Variants in KLHL22 observed in about 807,000 individuals in gnomAD.
KLHL22 encodes kelch-like protein 22.
In KLHL22, 18 loss-of-function variants were observed where a neutral mutation model predicts 60.7. That is an observed-to-expected ratio of 0.30 (90% CI 0.20 to 0.44). The LOEUF is 0.44. Among genes scored for constraint, KLHL22 ranks in the 20% least tolerant of loss-of-function variants. The pLI, the probability that KLHL22 is intolerant of heterozygous loss-of-function variation, is 1.00. For missense variants in KLHL22, 596 were observed against 852.3 expected, an observed-to-expected ratio of 0.70 and a Z score of 3.74; for synonymous variants, 355 against 354.5, an observed-to-expected ratio of 1.00 and a Z score of -0.01.
chr22:20,449,433 C>A lies in KLHL22; in HGVS notation c.1306-2757G>T, dbSNP rs563843658. Among the ~76,000 whole-genome samples, 18 of 152,060 alleles carry A rather than the reference C, an allele frequency of 1.2e-4. 1 individual carries two copies. In the South Asian group the frequency reaches 3.7e-3, roughly 32 times the overall value. ...TTTTTGTTTTTGAGATGGAGTCTCA[C>A]TCTGTCGCCCAGGCTGGAGTGCAAA... On this transcript the variant is annotated intron_variant, in intron 5 of 6. Coordinates refer to ENST00000328879, the MANE Select transcript of KLHL22 (RefSeq NM_032775.4).
At chr22:20,457,775 CAGG>C (rs2053085809) in intron 5 of KLHL22, 30 bp downstream of exon 5, 1 of 1,521,124 alleles carries the variant, frequency 6.6e-7, no homozygotes, top group Non-Finnish European at 8.9e-7. Context: ...GGAAATTAGG[CAGG>C]AGAAGGCCCC....
At chr22:20,478,915 G>A (rs1482952951) in intron 2 of KLHL22, among the ~76,000 whole-genome samples, 2 of 151,368 alleles carry the variant, frequency 1.3e-5, no homozygotes, top group Admixed American at 6.6e-5. Flanking sequence ...GATCACCTGA[G>A]GTCAGGAGTT....
chr22:20,446,883 G>A (rs1418893536), intron 5 of KLHL22, among the ~76,000 whole-genome samples: 1 of 152,186 alleles, frequency 6.6e-6, no homozygotes, highest in Non-Finnish European at 1.5e-5. Flanking sequence ...TCCCAATAGC[G>A]GATACATCTA....
intron 2 of KLHL22, among the ~76,000 whole-genome samples, chr22:20,481,577 T>TA (rs891777039): frequency 2.6e-4 from 40 of 151,436 alleles, no homozygotes; most frequent in Admixed American, 1.2e-3. Flanking sequence ...CATCTCAAAA[T>TA]AAAAAAAAAT....
intron 4 of KLHL22, among the ~76,000 whole-genome samples, chr22:20,462,385 C>G (rs2053170522): frequency 6.6e-6 from 1 of 151,904 alleles, no homozygotes. Flanking sequence ...GACAGGGTCT[C>G]ACTCTGTTGC....
intron 3 of KLHL22, among the ~76,000 whole-genome samples, 195 bp downstream of exon 3, chr22:20,471,155 G>A (rs1316224346): frequency 2.0e-5 from 3 of 152,200 alleles, no homozygotes; most frequent in South Asian, 2.1e-4. Flanking sequence ...GAGGCCTGGG[G>A]TGTCTAGAGC....
At chr22:20,484,554 C>T (rs1160557942) in intron 2 of KLHL22, among the ~76,000 whole-genome samples, 1 of 152,178 alleles carries the variant, frequency 6.6e-6, no homozygotes, top group South Asian at 2.1e-4. Context: ...CTTGGGCACC[C>T]ATTGTGCTGG....
chr22:20,493,285 C>T (rs1397853685), intron 1 of KLHL22: 40 of 466,708 alleles, frequency 8.6e-5, no homozygotes, highest in South Asian at 6.1e-4. Flanking sequence ...TTTACCAAGT[C>T]CAATTTAAGA....
intron 5 of KLHL22, among the ~76,000 whole-genome samples, chr22:20,455,543 G>A (rs2053049706): frequency 2.0e-5 from 3 of 152,138 alleles, no homozygotes; most frequent in Admixed American, 2.0e-4. Flanking sequence ...ATGGCCAGAG[G>A]GACTATGACC....
Position 20,471,417 on chromosome 22 carries a change from T to G in KLHL22, c.326A>C (p.Tyr109Ser). 1 of 1,614,102 alleles carries G rather than the reference T, an allele frequency of 6.2e-7. No homozygotes were observed. Among genetic ancestry groups the G allele is most frequent in the Non-Finnish European group, 8.5e-7 (1 of 1,179,994 alleles). Reference sequence around the variant, plus strand: ...CAGGCTGAGCTCCAGCTCGGAGGTGTATATGAAATGTAGGATTTGGCACAT... The same window carrying G: ...CAGGCTGAGCTCCAGCTCGGAGGTGGATATGAAATGTAGGATTTGGCACAT... ...NAMCQILHFI[Y>S]TSELELSLSN... is the part of the protein sequence containing the mutation. Residue 109 changes from tyrosine to serine, a missense_variant, in exon 3 of 7, where the codon TAC becomes TCC. Coordinates refer to ENST00000328879, the MANE Select transcript of KLHL22 (RefSeq NM_032775.4).
chr22:20,492,935 G>T (rs1487886543), intron 1 of KLHL22, among the ~76,000 whole-genome samples: 2 of 152,098 alleles, frequency 1.3e-5, no homozygotes, highest in Non-Finnish European at 2.9e-5. Flanking sequence ...CCGGCTTCTT[G>T]AGGGGTGAGG....
At position 20,442,194 on chromosome 22, in the gene KLHL22, C is replaced by T. The variant is rs373085414; in HGVS notation, c.1784G>A (p.Arg595His). ...GCGGGGCGGCTCAAGGAGCAGGGAG[C>T]GGGGCAGGGTGAGCACACAGGCCGC... Reference protein sequence around the residue: ...GLAACVLTLPRSLLLEPPRGT... With the variant: ...GLAACVLTLPHSLLLEPPRGT... Residue 595 changes from arginine (R) to histidine (H), a missense_variant, in exon 7 of 7, where the codon CGC (arginine) becomes CAC (histidine). Transcript: ENST00000328879. 58 of 1,585,440 alleles carry T rather than the reference C, an allele frequency of 3.7e-5. No homozygotes were observed. Among genetic ancestry groups the T allele is most frequent in the African/African-American group, 3.4e-4 (25 of 74,344 alleles).
intron 3 of KLHL22, among the ~76,000 whole-genome samples, chr22:20,469,494 A>T (rs2053281233): frequency 2.0e-5 from 3 of 152,168 alleles, no homozygotes; most frequent in South Asian, 4.1e-4. Context: ...GCCAGGGTGG[A>T]GAATTGGATG....
At chr22:20,461,687 G>A (rs1170137478) in intron 4 of KLHL22, among the ~76,000 whole-genome samples, 5 of 152,038 alleles carry the variant, frequency 3.3e-5, no homozygotes, top group African/African-American at 7.2e-5. Flanking sequence ...GACCGGGCAC[G>A]GTGGGTGGCT....
intron 1 of KLHL22, among the ~76,000 whole-genome samples, chr22:20,494,640 G>C (rs997920682): frequency 3.3e-5 from 5 of 151,922 alleles, no homozygotes; most frequent in African/African-American, 4.8e-5. Context: ...GCCTCCCAAA[G>C]TGCTGGGATT....
At chr22:20,489,454 C>T (rs981807321) in intron 1 of KLHL22, among the ~76,000 whole-genome samples, 2 of 152,184 alleles carry the variant, frequency 1.3e-5, no homozygotes, top group African/African-American at 4.8e-5. Flanking sequence ...TGTGTGCCAT[C>T]ATGCCCAAGA....
At chr22:20,493,052 C>A (rs890045804) in intron 1 of KLHL22, 4 of 424,946 alleles carry the variant, frequency 9.4e-6, no homozygotes, top group Non-Finnish European at 1.9e-5. Flanking sequence ...TTTCTCATCA[C>A]CACCATGACC....
At chr22:20,455,175 G>A (rs754942772) in intron 5 of KLHL22, among the ~76,000 whole-genome samples, 1 of 152,104 alleles carries the variant, frequency 6.6e-6, no homozygotes, top group Non-Finnish European at 1.5e-5. Context: ...GAGCCACCGC[G>A]CCCTGCCAAC....
intron 4 of KLHL22, among the ~76,000 whole-genome samples, chr22:20,463,185 T>C (rs1177727140): frequency 6.6e-6 from 1 of 152,206 alleles, no homozygotes; most frequent in Non-Finnish European, 1.5e-5. Flanking sequence ...CCACCTCCAC[T>C]CTGTGGATAC....
Sources: gnomAD v4.1 joint callset for allele counts (sites outside exome capture counted in the v4.1 genomes callset) on GRCh38, gnomAD v4.1.1 for gene constraint, MANE v1.5 for transcripts, NCBI Gene and HGNC (gene_info 2026-07-23, HGNC 2026-07-21) for gene names.